Variants in RBBP8 observed in about 807,000 individuals in gnomAD.
RBBP8 encodes the protein RB binding protein 8, endonuclease, also known as DNA endonuclease RBBP8.
RBBP8 carries 88 observed loss-of-function variants against 108.3 expected under a neutral mutation model. The ratio of observed to expected loss-of-function variants is 0.81; its 90% CI spans 0.68 to 0.97. RBBP8 has a LOEUF of 0.97. Among genes scored for constraint, RBBP8 ranks in the 50% least tolerant of loss-of-function variants. RBBP8 has a pLI of 0.00. For synonymous variants in RBBP8, 332 were observed against 348.2 expected (o/e 0.95, Z 0.52); for missense variants, 1,023 against 1,049.0 (o/e 0.98, Z 0.34).
exon 1 of RBBP8, chr18:22,914,237 C>T (rs1909269077): frequency 6.6e-6 from 1 of 152,140 alleles, no homozygotes; most frequent in South Asian, 2.1e-4. Flanking sequence ...TTGATAGATT[C>T]AGGGAAAGTG....
intron 3 of RBBP8, among the ~76,000 whole-genome samples, chr18:22,926,380 G>A (rs1909792674): frequency 6.6e-6 from 1 of 152,150 alleles, no homozygotes; most frequent in African/African-American, 2.4e-5. Context: ...CCAAGATCGT[G>A]CCACTGCACT....
In RBBP8 at chr18:23,012,208, C is replaced by CAA. The variant is rs56096515; in HGVS notation, c.2358-4598_2358-4597dup. ...GGGAGACAAAGTGAGATGCTGTCTCCAAAAAAAAAAAAAAAAAAAAAAACC... is the reference window on the plus strand; with the variant it reads ...GGGAGACAAAGTGAGATGCTGTCTCCAAAAAAAAAAAAAAAAAAAAAAAAACC... On this transcript the variant is annotated intron_variant, in intron 16 of 18. Coordinates refer to ENST00000327155, the MANE Select transcript of RBBP8 (RefSeq NM_002894.3). 4.1e-4 allele frequency among the ~76,000 whole-genome samples: 45 copies of CAA among 109,468 alleles called. 1 individual carries two copies. The highest frequency in any genetic ancestry group is 1.3e-3 in the African/African-American group (35 of 26,350). 71.8% of individuals were successfully genotyped at this position (109,468 alleles called of 152,430 possible). A position where few individuals can be genotyped will look rare whatever the true frequency, so the allele number is the denominator to read the frequency against.
intron 3 of RBBP8, among the ~76,000 whole-genome samples, chr18:22,925,302 T>G (rs1909751913): frequency 6.6e-6 from 1 of 152,228 alleles, no homozygotes; most frequent in African/African-American, 2.4e-5. Flanking sequence ...TACATAAAAC[T>G]GAAAACATTT....
chr18:22,994,014 CTT>C (rs777055614), intron 12 of RBBP8, among the ~76,000 whole-genome samples, 167 bp downstream of exon 12: 2 of 75,126 alleles, frequency 2.7e-5, no homozygotes, highest in South Asian at 5.9e-4. Context: ...TTTTTCTGTT[CTT>C]TTTTTTTTTT....
At chr18:22,999,060 G>A (rs1390619389) in intron 14 of RBBP8, among the ~76,000 whole-genome samples, 1 of 152,132 alleles carries the variant, frequency 6.6e-6, no homozygotes, top group East Asian at 1.9e-4. Context: ...AATCTATTCA[G>A]AAGACAATAG....
chr18:23,001,723 C>A lies in RBBP8; in HGVS notation c.2281C>A (p.Leu761Ile), dbSNP rs760448614. 12 of 1,614,006 alleles carry A rather than the reference C, an allele frequency of 7.4e-6. No individual in the cohort carries two copies. The highest frequency in any genetic ancestry group is 1.6e-4 in the Middle Eastern group (1 of 6,082). ...EEELSTATKK[L>I]HTHGDKQDKV... ...GGAATTGTCTACTGCCACAAAGAAA[C>A]TACACAGTAAGATTTTTTTCTGTTT... The change falls in exon 15 of 19, where the codon CTA (leucine) becomes ATA (isoleucine). Residue 761 changes from leucine (L) to isoleucine (I), a missense_variant. By Grantham distance (5) the Leu-to-Ile change is conservative. Transcript: ENST00000327155.
intron 2 of RBBP8, among the ~76,000 whole-genome samples, chr18:22,943,502 C>T (rs1911277225): frequency 6.6e-6 from 1 of 151,930 alleles, no homozygotes; most frequent in Non-Finnish European, 1.5e-5. Flanking sequence ...TTTGCATTCA[C>T]ATCTGTAAAT....
intron 2 of RBBP8, chr18:22,937,219 C>A (rs1011377374): frequency 4.0e-6 from 2 of 502,496 alleles, no homozygotes; most frequent in African/African-American, 2.0e-5. Context: ...TGACCCTCCA[C>A]CCTCATGTAG....
chr18:22,957,612 A>T (rs1231570881), intron 4 of RBBP8, among the ~76,000 whole-genome samples: 1 of 152,048 alleles, frequency 6.6e-6, no homozygotes, highest in Admixed American at 6.5e-5. Flanking sequence ...TACCTGTTAC[A>T]TAGCTACTGA....
chr18:22,988,975 C>CTAA (rs1915507137), intron 8 of RBBP8, among the ~76,000 whole-genome samples: 5 of 152,138 alleles, frequency 3.3e-5, no homozygotes, highest in Admixed American at 6.5e-5. Context: ...CTACCTATTG[C>CTAA]ATTCAGTTCA....
At chr18:22,973,280 T>A (rs977627682) in intron 5 of RBBP8, among the ~76,000 whole-genome samples, 1 of 152,178 alleles carries the variant, frequency 6.6e-6, no homozygotes, top group African/African-American at 2.4e-5. Flanking sequence ...ATTCAGAAAT[T>A]TTTTATAGTT....
chr18:22,988,415 G>A (rs918318678), intron 8 of RBBP8, among the ~76,000 whole-genome samples: 2 of 152,094 alleles, frequency 1.3e-5, no homozygotes, highest in African/African-American at 4.8e-5. Context: ...GTAGTTCCCT[G>A]AACAAGCAAT....
At chr18:22,947,080 G>A (rs182984052) in intron 3 of RBBP8, among the ~76,000 whole-genome samples, 10 of 152,162 alleles carry the variant, frequency 6.6e-5, no homozygotes, top group African/African-American at 2.2e-4. Flanking sequence ...ACAGATGGCA[G>A]AGTAGCTTTG....
chr18:23,026,368 A>G lies in RBBP8; in HGVS notation c.*128A>G. On this transcript the variant is annotated 3_prime_UTR_variant, in exon 19 of 19. Coordinates refer to ENST00000327155, the MANE Select transcript of RBBP8 (RefSeq NM_002894.3). ...GGATTTATAAATCAGTTTTCTATTG[A>G]AAATGTTTGTGATATTTTGCTTTTG... The G allele has an allele frequency of 1.1e-6, 1 of 887,658 alleles. No homozygotes were observed. The highest frequency in any genetic ancestry group is 1.8e-6 in the Non-Finnish European group (1 of 561,516). 55.0% of individuals were successfully genotyped at this position (887,658 alleles called of 1,614,324 possible). A position where few individuals can be genotyped will look rare whatever the true frequency, so the allele number is the denominator to read the frequency against.
intron 14 of RBBP8, among the ~76,000 whole-genome samples, chr18:22,998,288 G>C (rs1414858472): frequency 1.3e-5 from 2 of 152,148 alleles, no homozygotes; most frequent in Non-Finnish European, 2.9e-5. Context: ...TAGTTTTACA[G>C]GTTAACATTC....
chr18:22,979,320 GTTTAT>G (rs914474237), intron 6 of RBBP8, among the ~76,000 whole-genome samples: 6 of 151,888 alleles, frequency 4.0e-5, no homozygotes, highest in East Asian at 3.9e-4. Flanking sequence ...TTATGTTTAT[GTTTAT>G]TTTATTTAAA....
At chr18:22,968,351 A>G (rs1904625523) in intron 4 of RBBP8, among the ~76,000 whole-genome samples, 1 of 151,898 alleles carries the variant, frequency 6.6e-6, no homozygotes, top group African/African-American at 2.4e-5. Context: ...GATTACAGGC[A>G]TGAGCCACTG....
At chr18:22,945,655 A>G (rs1911498136) in intron 2 of RBBP8, among the ~76,000 whole-genome samples, 1 of 151,886 alleles carries the variant, frequency 6.6e-6, no homozygotes, top group South Asian at 2.1e-4. Context: ...AGGTGCTGGT[A>G]TTACAGGCAT....
At chr18:22,950,535 C>T (rs757879570) in intron 4 of RBBP8, among the ~76,000 whole-genome samples, 2 of 150,248 alleles carry the variant, frequency 1.3e-5, no homozygotes, top group Non-Finnish European at 1.5e-5. Context: ...CGCACTGCTG[C>T]GCTCCAGCCT....
Sources: allele counts gnomAD v4.1 joint callset (sites outside exome capture counted in the v4.1 genomes callset), GRCh38; gene constraint gnomAD v4.1.1; transcripts MANE v1.5; gene names NCBI Gene and HGNC (gene_info 2026-07-23, HGNC 2026-07-21).